The following BRD1 variants were observed in gnomAD, a reference collection of about 807,000 sequenced individuals.
BRD1 encodes the protein bromodomain-containing protein 1.
Under a neutral mutation model 107.7 loss-of-function variants are expected in BRD1, and 24 were observed. That is an observed-to-expected ratio of 0.22 (90% confidence interval 0.16 to 0.31). The LOEUF is 0.31. Ranked by LOEUF, BRD1 falls within the 10% of genes least tolerant of loss-of-function variation. BRD1 has a pLI of 1.00. For synonymous variants in BRD1, 744 were observed against 686.1 expected, an observed-to-expected ratio of 1.08 and a Z score of -1.32; for missense variants, 1,279 against 1,638.6, an observed-to-expected ratio of 0.78 and a Z score of 3.79.
chr22:49,822,709 C>T (rs2060090765), intron 2 of BRD1, among the ~76,000 whole-genome samples: 1 of 151,004 alleles, frequency 6.6e-6, no homozygotes, highest in African/African-American at 2.4e-5. Context: ...AACTCCGTCT[C>T]CAAAAAAAAA....
chr22:49,824,574 T>C lies in BRD1; in HGVS notation c.-14-243A>G. ...AGCCTGAGGAGCCCTCCTGAGCACC[T>C]GCGTCCCTACCACCACACACCAGTC... On this transcript the variant is annotated intron_variant, in intron 1 of 12. Coordinates refer to ENST00000404760, the MANE Select transcript of BRD1 (RefSeq NM_001304808.3). This position sits in a 1 kb window ranked among gnomAD's most constrained non-coding sequence, Gnocchi z 5.9. 6.0e-6 allele frequency: 8 copies of C among 1,335,694 alleles called. No individual in the cohort carries two copies. The highest frequency in any genetic ancestry group is 1.6e-5 in the South Asian group (1 of 62,706). The allele number at this position is 1,335,694 out of a possible 1,614,324, so 82.7% of individuals were successfully genotyped here.
intron 2 of BRD1, among the ~76,000 whole-genome samples, chr22:49,809,364 A>G (rs547386699): frequency 1.1e-3 from 165 of 152,042 alleles, no homozygotes; most frequent in African/African-American, 3.9e-3. Context: ...AGATGGTGAA[A>G]CCTCGTCTCT....
rs2059077057 is a variant in BRD1 at position 49,775,822 on chromosome 22, CCCG to C, written c.3232-80_3232-78del. 9 of 1,367,966 alleles carry C rather than the reference CCCG, an allele frequency of 6.6e-6. No individual in the cohort carries two copies. The East Asian group carries it at 7.8e-5, about 12-fold the overall frequency. The allele number at this position is 1,367,966 out of a possible 1,614,324, so 84.7% of individuals were successfully genotyped here. A position where few individuals can be genotyped will look rare whatever the true frequency, so the allele number is the denominator to read the frequency against. ...ACCCCACCTGTCACTGGCACCCCCC[CCCG>C]CCTCCCCACCCCAGCTGTGTGAGCC... On this transcript the variant is annotated intron_variant, in intron 11 of 12. Transcript: ENST00000404760.
chr22:49,775,823 CCGCCT>C (rs1248775380), intron 11 of BRD1, 78 bp from the exon 12 acceptor site: 1 of 1,361,960 alleles, frequency 7.3e-7, no homozygotes, highest in Non-Finnish European at 9.6e-7. Flanking sequence ...GCACCCCCCC[CCGCCT>C]CCCCACCCCA....
chr22:49,797,298 T>G (rs904226418), intron 6 of BRD1, among the ~76,000 whole-genome samples: 2 of 152,084 alleles, frequency 1.3e-5, no homozygotes, highest in African/African-American at 2.4e-5. Context: ...ACCACGAAGT[T>G]AAAGGGCTGG....
intron 5 of BRD1, 134 bp from the exon 6 acceptor site, chr22:49,798,251 A>G (rs1295119888): frequency 3.0e-5 from 30 of 1,015,920 alleles, no homozygotes; most frequent in Non-Finnish European, 3.8e-5. Flanking sequence ...CGGTACAGAC[A>G]TAAGACCCAA....
intron 1 of BRD1, chr22:49,826,102 G>A (rs749333067): frequency 3.5e-5 from 32 of 920,808 alleles, no homozygotes; most frequent in South Asian, 1.5e-4. Context: ...CCGGGACGCC[G>A]ACACGCGTCA....
chr22:49,807,040 C>T (rs2059759693), intron 2 of BRD1: 1 of 151,644 alleles, frequency 6.6e-6, no homozygotes, highest in Admixed American at 6.6e-5. Context: ...AAAAGAACCC[C>T]GGAAATGAGG....
At chr22:49,778,838 T>C (rs1174847854) in intron 8 of BRD1, among the ~76,000 whole-genome samples, 1 of 152,068 alleles carries the variant, frequency 6.6e-6, no homozygotes, top group Non-Finnish European at 1.5e-5. Context: ...ATTTTTTGTA[T>C]TTTTAGTAGA....
chr22:49,822,450 G>C (rs1416508487), intron 2 of BRD1, among the ~76,000 whole-genome samples: 2 of 151,708 alleles, frequency 1.3e-5, no homozygotes, highest in Non-Finnish European at 2.9e-5. Flanking sequence ...AGCAAGTGCT[G>C]TAATTCCAGC....
At position 49,827,536 on chromosome 22, in the gene BRD1, G is replaced by A. The variant is rs1330418273; in HGVS notation, c.-54C>T. ...GGCCGCGGGAGCCCGGCAAGCGGGCGGGCGCGGGGGCCGGCGCGGCCGAGG... is the reference window on the plus strand; with the variant it reads ...GGCCGCGGGAGCCCGGCAAGCGGGCAGGCGCGGGGGCCGGCGCGGCCGAGG... On this transcript the variant is annotated 5_prime_UTR_variant, in exon 1 of 13. Transcript: ENST00000404760. 2.1e-5 allele frequency: 3 copies of A among 144,410 alleles called. No homozygotes were observed. Among genetic ancestry groups the A allele is most frequent in the African/African-American group, 5.0e-5 (2 of 40,266 alleles). 8.9% of individuals were successfully genotyped at this position (144,410 alleles called of 1,614,324 possible).
At position 49,794,079 on chromosome 22, in the gene BRD1, A is replaced by G; in HGVS notation, c.2314T>C (p.Phe772Leu). ...CCCAGCGCAGCTCCGTCCTCTTCGAAGCCTTCCAAGCCTGGCCCCGTGGGC... is the reference window on the plus strand; with the variant it reads ...CCCAGCGCAGCTCCGTCCTCTTCGAGGCCTTCCAAGCCTGGCCCCGTGGGC... ...PLPTGPGLEG[F>L]EEDGAALGPE... Residue 772 changes from phenylalanine (F) to leucine (L), a missense_variant, in exon 7 of 13, where the codon TTC becomes CTC. By Grantham distance (22) the Phe-to-Leu change is conservative (BLOSUM62 0). This residue lies in a region of BRD1 where 406 missense variants were observed against 519.4 expected (regional missense o/e 0.78). Transcript: ENST00000404760. 1 of 1,614,126 alleles carries G rather than the reference A, an allele frequency of 6.2e-7. No individual in the cohort carries two copies. Among genetic ancestry groups the G allele is most frequent in the Non-Finnish European group, 8.5e-7 (1 of 1,180,034 alleles).
chr22:49,781,530 G>C (rs1422551832), intron 8 of BRD1, among the ~76,000 whole-genome samples: 1 of 152,250 alleles, frequency 6.6e-6, no homozygotes, highest in Non-Finnish European at 1.5e-5. Context: ...ACCAGGCCCT[G>C]ATCAGTGGCT....
chr22:49,800,575 A>G (rs546941918), intron 3 of BRD1, among the ~76,000 whole-genome samples: 1 of 152,310 alleles, frequency 6.6e-6, no homozygotes, highest in South Asian at 2.1e-4. Flanking sequence ...ATCACCAGGA[A>G]GCCCTTTATC....
At chr22:49,798,204 G>GC in intron 5 of BRD1, 87 bp from the exon 6 acceptor site, 6 of 1,324,670 alleles carry the variant, frequency 4.5e-6, no homozygotes, top group Non-Finnish European at 6.2e-6. Context: ...TAACCCACAA[G>GC]CCCATCCTAT....
At chr22:49,825,341 G>A (rs1018157365) in intron 1 of BRD1, among the ~76,000 whole-genome samples, 3 of 152,170 alleles carry the variant, frequency 2.0e-5, no homozygotes, top group African/African-American at 4.8e-5. Context: ...CGCCAGCGCT[G>A]GCTCAGGTGC....
At position 49,777,115 on chromosome 22, in the gene BRD1, G is replaced by A. The variant is rs769586081; in HGVS notation, c.3040C>T (p.Arg1014Trp). Residue 1014 changes from arginine to tryptophan, a missense_variant, in exon 10 of 13, where the codon CGG (arginine) becomes TGG (tryptophan). By Grantham distance (101) the Arg-to-Trp change is moderately radical (BLOSUM62 -3). Transcript: ENST00000404760. ...CGRGKPALVR[R>W]HTLEDRSELI... is the part of the protein sequence containing the mutation. ...TCACTGCGGTCCTCCAGCGTGTGCC[G>A]TCGCACAAGAGCCGGTTTGCCCCGC... The A allele has an allele frequency of 2.0e-5, 33 of 1,613,236 alleles. No homozygotes were observed. The highest frequency in any genetic ancestry group is 1.2e-4 in the Admixed American group (7 of 60,016).
intron 3 of BRD1, 146 bp from the exon 4 acceptor site, chr22:49,799,265 T>C (rs889320268): frequency 2.0e-6 from 2 of 1,023,428 alleles, no homozygotes; most frequent in Non-Finnish European, 2.8e-6. Flanking sequence ...CCACCCTCAC[T>C]AGAGAGCCCC....
intron 3 of BRD1, among the ~76,000 whole-genome samples, 167 bp from the exon 4 acceptor site, chr22:49,799,286 C>G (rs752621863): frequency 4.6e-5 from 7 of 152,116 alleles, no homozygotes; most frequent in Middle Eastern, 6.3e-3. Flanking sequence ...AGGACAGCAC[C>G]GGGACAGAGG....
Sources: allele counts gnomAD v4.1 joint callset (sites outside exome capture counted in the v4.1 genomes callset), GRCh38; gene constraint gnomAD v4.1.1; regional missense constraint gnomAD v4.1.1; non-coding constraint Gnocchi (gnomAD v3.1); transcripts MANE v1.5; gene names NCBI Gene and HGNC (gene_info 2026-07-23, HGNC 2026-07-21).